The following ATF7IP variants were observed in gnomAD, a reference collection of about 807,000 sequenced individuals.
ATF7IP encodes the protein activating transcription factor 7-interacting protein 1.
ATF7IP carries 23 observed loss-of-function variants against 106.4 expected under a neutral mutation model. The observed-to-expected ratio is 0.22, with a 90% CI of 0.16 to 0.31. The LOEUF is 0.31. Among genes scored for constraint, ATF7IP ranks in the 10% least tolerant of loss-of-function variants. The probability of loss-of-function intolerance (pLI) is 1.00; values close to 1 mark genes in which losing one functional copy is unlikely to be tolerated. For synonymous variants in ATF7IP, 542 were observed against 539.0 expected (o/e 1.01, Z -0.08); for missense variants, 1,334 against 1,524.3 (o/e 0.88, Z 2.08).
At chr12:14,449,038 A>G (rs771403511) in intron 6 of ATF7IP, among the ~76,000 whole-genome samples, 5 of 151,884 alleles carry the variant, frequency 3.3e-5, no homozygotes, top group Non-Finnish European at 7.4e-5. Flanking sequence ...GGCATTCCTT[A>G]TATATGCTGA....
At chr12:14,415,759 A>G (rs2136515624) in intron 1 of ATF7IP, among the ~76,000 whole-genome samples, 1 of 150,802 alleles carries the variant, frequency 6.6e-6, no homozygotes, top group Middle Eastern at 3.4e-3. Context: ...AGAGAACCGT[A>G]GCTGACAATG....
chr12:14,380,345 A>C (rs1330806216), intron 1 of ATF7IP, among the ~76,000 whole-genome samples: 1 of 152,132 alleles, frequency 6.6e-6, no homozygotes, highest in Non-Finnish European at 1.5e-5. Context: ...GCATAATGTG[A>C]TGTGGAAGAT....
chr12:14,486,165 T>G (rs111921754), intron 13 of ATF7IP, among the ~76,000 whole-genome samples: 9,665 of 152,216 alleles, frequency 0.063, 340 homozygotes, highest in African/African-American at 0.074. Flanking sequence ...ATGAATCCAG[T>G]AATCCACTGG....
chr12:14,378,992 G>A (rs908523509), intron 1 of ATF7IP, among the ~76,000 whole-genome samples: 6 of 152,098 alleles, frequency 3.9e-5, no homozygotes, highest in Admixed American at 6.6e-5. Context: ...ACTATATCTC[G>A]TACACAACTG....
At chr12:14,375,090 A>G (rs765767004) in intron 1 of ATF7IP, among the ~76,000 whole-genome samples, 2 of 152,006 alleles carry the variant, frequency 1.3e-5, no homozygotes, top group Non-Finnish European at 2.9e-5. Flanking sequence ...TTAATATTCA[A>G]TAAATACTTG....
chr12:14,382,421 A>G (rs1003878210), intron 1 of ATF7IP, among the ~76,000 whole-genome samples: 3 of 152,214 alleles, frequency 2.0e-5, no homozygotes, highest in Admixed American at 6.5e-5. Flanking sequence ...TAGTAATATT[A>G]ATAAAACTTA....
In ATF7IP at chr12:14,395,553, T is replaced by G. The variant is rs1183596049; in HGVS notation, c.-7-28356T>G. On this transcript the variant is annotated intron_variant, in intron 1 of 14. Coordinates refer to ENST00000261168, the MANE Select transcript of ATF7IP (RefSeq NM_018179.5). ...TGTTCATATTACATAGAAATCAGTTTTAGATCTCTTTTCATTATAGTCTGT... is the reference window on the plus strand; with the variant it reads ...TGTTCATATTACATAGAAATCAGTTGTAGATCTCTTTTCATTATAGTCTGT... 9.2e-5 allele frequency among the ~76,000 whole-genome samples: 14 copies of G among 152,306 alleles called. No individual in the cohort carries two copies. The East Asian group carries it at 2.7e-3, about 29-fold the overall frequency.
intron 1 of ATF7IP, among the ~76,000 whole-genome samples, chr12:14,396,161 G>C (rs576479069): frequency 6.6e-6 from 1 of 152,214 alleles, no homozygotes; most frequent in East Asian, 1.9e-4. Context: ...GTGGTAGTGA[G>C]GTAGCTTAGA....
At chr12:14,419,529 T>TA (rs1331320904) in intron 1 of ATF7IP, among the ~76,000 whole-genome samples, 1 of 152,168 alleles carries the variant, frequency 6.6e-6, no homozygotes, top group Admixed American at 6.5e-5. Context: ...TTGAAATACT[T>TA]AAAGGGTAAC....
intron 10 of ATF7IP, among the ~76,000 whole-genome samples, chr12:14,471,639 C>G (rs1246960843): frequency 4.6e-5 from 7 of 152,042 alleles, no homozygotes; most frequent in Non-Finnish European, 8.8e-5. Flanking sequence ...GGGAAGCAAA[C>G]ATGTCCTTCT....
rs115218340 is a variant in ATF7IP, at chr12:14,466,387, G to A, written c.2798-139G>A. 895 of 686,620 alleles carry A rather than the reference G, an allele frequency of 1.3e-3. 5 individuals carry two copies. The African/African-American group carries it at 0.015, about 12-fold the overall frequency. 42.5% of individuals were successfully genotyped at this position (686,620 alleles called of 1,614,324 possible). A position where few individuals can be genotyped will look rare whatever the true frequency, so the allele number is the denominator to read the frequency against. On this transcript the variant is annotated intron_variant, in intron 9 of 14. Coordinates refer to ENST00000261168, the MANE Select transcript of ATF7IP (RefSeq NM_018179.5). ...GAAAGATACTATAGCAGTGGTCTGTGAATTTGAGTTTTTATTTATGTATGT... is the reference window on the plus strand; with the variant it reads ...GAAAGATACTATAGCAGTGGTCTGTAAATTTGAGTTTTTATTTATGTATGT...
At chr12:14,491,624 G>C (rs1211938343) in intron 13 of ATF7IP, among the ~76,000 whole-genome samples, 2 of 152,244 alleles carry the variant, frequency 1.3e-5, no homozygotes, top group Non-Finnish European at 2.9e-5. Flanking sequence ...AAGCTGGAGA[G>C]TTGATACACC....
chr12:14,489,023 T>C (rs1188760565), intron 13 of ATF7IP, among the ~76,000 whole-genome samples: 6 of 152,242 alleles, frequency 3.9e-5, no homozygotes, highest in Admixed American at 3.3e-4. Flanking sequence ...CTTTTTCTAC[T>C]ACCCATTCTG....
Position 14,413,633 on chromosome 12 carries a change from A to G in ATF7IP, c.-7-10276A>G, listed in dbSNP as rs537163221. Among the ~76,000 whole-genome samples the G allele has an allele frequency of 2.7e-4, 41 of 152,350 alleles. 1 individual carries two copies. In the South Asian group the frequency reaches 8.1e-3, roughly 30 times the overall value. On this transcript the variant is annotated intron_variant, in intron 1 of 14. Transcript: ENST00000261168. ...TATAATTATTGATTTATTAATTCAC[A>G]TCATATGTAAAGTTGAAATTAATAT...
chr12:14,434,179 G>C (rs1023990717), intron 2 of ATF7IP, among the ~76,000 whole-genome samples, 158 bp from the exon 3 acceptor site: 1 of 152,144 alleles, frequency 6.6e-6, no homozygotes, highest in Admixed American at 6.5e-5. Flanking sequence ...CATTCGATCA[G>C]TTCCTGCTCC....
Position 14,460,716 on chromosome 12 carries a change from C to T in ATF7IP, c.2380C>T (p.Gln794Ter), listed in dbSNP as rs756393227. 6.2e-7 allele frequency: 1 copy of T among 1,614,198 alleles called. No homozygotes were observed. Among genetic ancestry groups the T allele is most frequent in the African/African-American group, 1.3e-5 (1 of 75,066 alleles). The change falls in exon 9 of 15, where the codon CAG becomes TAG. Residue 794 changes from glutamine to a stop codon, truncating the protein, a stop_gained. Coordinates refer to ENST00000261168, the MANE Select transcript of ATF7IP (RefSeq NM_018179.5). LOFTEE classifies it high-confidence loss of function. ...ILHVPVAVSSQPQLLQSHPGT... is the reference protein window; with the variant it reads ...ILHVPVAVSS ...GCATGTACCTGTTGCAGTATCCTCC[C>T]AGCCTCAGCTTCTACAGAGCCATCC...
chr12:14,372,540 T>C (rs1187982874), intron 1 of ATF7IP, among the ~76,000 whole-genome samples: 1 of 151,924 alleles, frequency 6.6e-6, no homozygotes, highest in African/African-American at 2.4e-5. Flanking sequence ...CCTATATGAA[T>C]ATGAGAATCT....
At position 14,436,060 on chromosome 12, in the gene ATF7IP, T is replaced by C. The variant is rs764086415; in HGVS notation, c.1646-46T>C. On this transcript the variant is annotated intron_variant, in intron 3 of 14. Transcript: ENST00000261168. ...AGGATGGATAATATGCATTAAGAGC[T>C]ATAAGAAAAACACCTGAGTGTGATC... 8 of 1,591,874 alleles carry C rather than the reference T, an allele frequency of 5.0e-6. No homozygotes were observed. The South Asian group carries it at 9.0e-5, about 18-fold the overall frequency.
intron 10 of ATF7IP, among the ~76,000 whole-genome samples, chr12:14,475,190 C>T (rs1257629473): frequency 6.6e-6 from 1 of 152,058 alleles, no homozygotes; most frequent in East Asian, 1.9e-4. Context: ...TGGATTAATC[C>T]TCACAATAGC....
Sources: gnomAD v4.1 joint callset for allele counts (sites outside exome capture counted in the v4.1 genomes callset) on GRCh38, gnomAD v4.1.1 for gene constraint, MANE v1.5 for transcripts, NCBI Gene and HGNC (gene_info 2026-07-23, HGNC 2026-07-21) for gene names.